Variants in SLC39A13 observed in about 807,000 individuals in gnomAD.
SLC39A13 encodes solute carrier family 39 member 13.
In SLC39A13, 18 loss-of-function variants were observed where a neutral mutation model predicts 38.7. The observed-to-expected ratio is 0.47, with a 90% confidence interval of 0.32 to 0.69. SLC39A13 has a LOEUF of 0.69. Ranked by LOEUF, SLC39A13 falls within the 30% of genes least tolerant of loss-of-function variation. The pLI, the probability that SLC39A13 is intolerant of heterozygous loss-of-function variation, is 0.03. For synonymous variants in SLC39A13, 212 were observed against 219.1 expected (o/e 0.97, Z 0.29); for missense variants, 395 against 490.7 (o/e 0.80, Z 1.84).
intron 6 of SLC39A13, 101 bp downstream of exon 6, chr11:47,413,787 C>A (rs1455231487): frequency 7.8e-6 from 10 of 1,289,368 alleles, no homozygotes; most frequent in Non-Finnish European, 1.1e-5. Flanking sequence ...CCATTGCCAG[C>A]GCCCTCATCT....
intron 6 of SLC39A13, chr11:47,414,209 G>A: frequency 3.2e-6 from 2 of 627,474 alleles, no homozygotes; most frequent in East Asian, 2.7e-5. Flanking sequence ...CCCAGCGCCT[G>A]TGAGTGTGTG....
chr11:47,410,020 C>A (rs1206889696), intron 1 of SLC39A13, 67 bp from the exon 2 acceptor site: 1 of 1,592,674 alleles, frequency 6.3e-7, no homozygotes, highest in Non-Finnish European at 8.6e-7. Context: ...GAGGGAGGCG[C>A]CACGTTTCCT....
chr11:47,410,865 C>T (rs1329986294), intron 2 of SLC39A13, among the ~76,000 whole-genome samples: 3 of 152,230 alleles, frequency 2.0e-5, no homozygotes, highest in South Asian at 2.1e-4. Flanking sequence ...GAACCATTCA[C>T]TTACCAGATG....
At chr11:47,408,254 G>A (rs1409040293), upstream of SLC39A13, among the ~76,000 whole-genome samples, 2 of 152,252 alleles carry the variant, frequency 1.3e-5, no homozygotes, top group East Asian at 3.9e-4. Flanking sequence ...GCCCTGGACG[G>A]GAAGCGGCGG....
chr11:47,411,255 G>T (rs1278591430), intron 2 of SLC39A13, among the ~76,000 whole-genome samples: 1 of 152,210 alleles, frequency 6.6e-6, no homozygotes, highest in African/African-American at 2.4e-5. Context: ...GAGAGTGACA[G>T]CAGCTGAGAA....
At chr11:47,414,347 A>C in intron 6 of SLC39A13, 78 bp from the exon 7 acceptor site, 2 of 1,507,204 alleles carry the variant, frequency 1.3e-6, no homozygotes, top group South Asian at 2.4e-5. Context: ...AGCAGAGTAA[A>C]CCTCTGTGGA....
chr11:47,414,154 G>C lies in SLC39A13; in HGVS notation c.736-271G>C, dbSNP rs949998311. ...TTTGCTGACCTCCTCATCTAAATTT[G>C]GTTCCTGGGCCTGCTCCCCTGGGCA... On this transcript the variant is annotated intron_variant, in intron 6 of 9. Transcript: ENST00000362021. The C allele has an allele frequency of 2.8e-5, 17 of 607,758 alleles. No homozygotes were observed. The African/African-American group carries it at 3.1e-4, about 11-fold the overall frequency. The allele number at this position is 607,758 out of a possible 1,614,324, so 37.6% of individuals were successfully genotyped here.
upstream of SLC39A13, chr11:47,408,502 C>T (rs2095980643): frequency 1.3e-5 from 2 of 150,140 alleles, no homozygotes; most frequent in Admixed American, 6.6e-5. Context: ...CGCGGCGCCT[C>T]GGGTTCCGGA....
chr11:47,409,864 G>A (rs978890376), intron 1 of SLC39A13: 1 of 573,772 alleles, frequency 1.7e-6, no homozygotes, highest in Non-Finnish European at 3.1e-6. Context: ...GACACAGTCT[G>A]GAGCTGCTCA....
chr11:47,415,543 C>T lies in SLC39A13; in HGVS notation c.*180C>T, dbSNP rs1236952448. ...GTGCACATGTGGCCAGAGGTGTGTG[C>T]GCGAGACCGACACTGTGATCCCTGT... is the stretch of plus-strand genomic sequence containing the variant. On this transcript the variant is annotated 3_prime_UTR_variant, in exon 10 of 10. Coordinates refer to ENST00000362021, the MANE Select transcript of SLC39A13 (RefSeq NM_001128225.3). 4 of 718,956 alleles carry T rather than the reference C, an allele frequency of 5.6e-6. No homozygotes were observed. The highest frequency in any genetic ancestry group is 9.8e-6 in the Non-Finnish European group (4 of 409,848). 44.5% of individuals were successfully genotyped at this position (718,956 alleles called of 1,614,324 possible).
chr11:47,414,525 A>T (rs1300787443), intron 7 of SLC39A13, 50 bp downstream of exon 7: 7 of 1,595,280 alleles, frequency 4.4e-6, no homozygotes. Context: ...CACAGTGCCC[A>T]TGATCAGCAT....
chr11:47,411,278 C>T (rs1275588851), intron 2 of SLC39A13, among the ~76,000 whole-genome samples: 2 of 152,146 alleles, frequency 1.3e-5, no homozygotes, highest in Non-Finnish European at 2.9e-5. Flanking sequence ...GAAAAATTCC[C>T]ACGTAATGAG....
chr11:47,415,571 T>C lies in SLC39A13; in HGVS notation c.*208T>C. 1 of 670,132 alleles carries C rather than the reference T, an allele frequency of 1.5e-6. No individual in the cohort carries two copies. Among genetic ancestry groups the C allele is most frequent in the Non-Finnish European group, 2.7e-6 (1 of 372,870 alleles). 41.5% of individuals were successfully genotyped at this position (670,132 alleles called of 1,614,324 possible). On this transcript the variant is annotated 3_prime_UTR_variant, in exon 10 of 10. Coordinates refer to ENST00000362021, the MANE Select transcript of SLC39A13 (RefSeq NM_001128225.3). ...GAGACCGACACTGTGATCCCTGTGC[T>C]GGGTCCGGGGCCCAGTGTAGCGCCT...
In SLC39A13 at chr11:47,415,586, G is replaced by C. The variant is rs766764981; in HGVS notation, c.*223G>C. The stretch of plus-strand genomic sequence containing the variant: ...ATCCCTGTGCTGGGTCCGGGGCCCA[G>C]TGTAGCGCCTGTCCCCAGCCATGCT... On this transcript the variant is annotated 3_prime_UTR_variant, in exon 10 of 10. Coordinates refer to ENST00000362021, the MANE Select transcript of SLC39A13 (RefSeq NM_001128225.3). 3.1e-6 allele frequency: 2 copies of C among 646,494 alleles called. No individual in the cohort carries two copies. Among genetic ancestry groups the C allele is most frequent in the Non-Finnish European group, 2.8e-6 (1 of 356,290 alleles). 40.0% of individuals were successfully genotyped at this position (646,494 alleles called of 1,614,324 possible).
At chr11:47,409,772 G>A (rs569397336) in intron 1 of SLC39A13, 1 of 342,798 alleles carries the variant, frequency 2.9e-6, no homozygotes, top group South Asian at 3.0e-5. Flanking sequence ...AGCTGGGCCG[G>A]GCCGTGCCGC....
At position 47,413,683 on chromosome 11, in the gene SLC39A13, G is replaced by C. The variant is rs1311530837; in HGVS notation, c.732G>C (p.Lys244Asn). 1 of 1,614,070 alleles carries C rather than the reference G, an allele frequency of 6.2e-7. No individual in the cohort carries two copies. ...LAVAASFLVS[K>N]KIGLLTTMAI... Reference sequence around the variant, plus strand: ...TGGCTGCCAGCTTCCTTGTGAGCAAGAAGGTGAGGGGCTTGGGGCCAGTGG... The same window carrying C: ...TGGCTGCCAGCTTCCTTGTGAGCAACAAGGTGAGGGGCTTGGGGCCAGTGG... The change falls in exon 6 of 10, where the codon AAG (lysine) becomes AAC (asparagine). Residue 244 changes from lysine to asparagine, a missense_variant. By Grantham distance (94) the Lys-to-Asn change is moderately conservative. Coordinates refer to ENST00000362021, the MANE Select transcript of SLC39A13 (RefSeq NM_001128225.3).
At chr11:47,410,513 A>C in intron 2 of SLC39A13, 118 bp downstream of exon 2, 2 of 1,340,960 alleles carry the variant, frequency 1.5e-6, no homozygotes, top group Non-Finnish European at 2.1e-6. Context: ...ATAGAATAGA[A>C]CTTCTCCCCT....
At chr11:47,412,176 A>C in intron 3 of SLC39A13, 137 bp downstream of exon 3, 1 of 1,275,992 alleles carries the variant, frequency 7.8e-7, no homozygotes, top group Non-Finnish European at 1.1e-6. Flanking sequence ...AGGGAGGGTC[A>C]TTGTCCTGGT....
At chr11:47,413,033 A>T (rs561188487) in intron 4 of SLC39A13, among the ~76,000 whole-genome samples, 10 of 116,800 alleles carry the variant, frequency 8.6e-5, no homozygotes, top group South Asian at 2.7e-4. Flanking sequence ...TATTATTATT[A>T]TTTTTTTGAG....
Sources: allele counts gnomAD v4.1 joint callset (sites outside exome capture counted in the v4.1 genomes callset), GRCh38; gene constraint gnomAD v4.1.1; transcripts MANE v1.5; gene names NCBI Gene and HGNC (gene_info 2026-07-23, HGNC 2026-07-21).